ENOX1: variants seen among roughly 807,000 people sequenced by gnomAD.
The protein encoded by ENOX1 is candidate growth-related and time keeping constitutive hydroquinone (NADH) oxidase.
In ENOX1, 42 loss-of-function variants were observed where a neutral mutation model predicts 82.5. The observed-to-expected ratio is 0.51, with a 90% CI of 0.40 to 0.66. The LOEUF (loss-of-function observed/expected upper bound fraction) is 0.66, where lower values mean the gene tolerates loss of function less well. Among genes scored for constraint, ENOX1 ranks in the 30% least tolerant of loss-of-function variants. The probability of loss-of-function intolerance (pLI) is 0.00; values close to 1 mark genes in which losing one functional copy is unlikely to be tolerated. For synonymous variants in ENOX1, 271 were observed against 282.2 expected, an observed-to-expected ratio of 0.96 and a Z score of 0.40; for missense variants, 608 against 811.6, an observed-to-expected ratio of 0.75 and a Z score of 3.05.
chr13:43,770,840 T>G (rs180738333), intron 1 of ENOX1, among the ~76,000 whole-genome samples: 59 of 152,182 alleles, frequency 3.9e-4, no homozygotes, highest in African/African-American at 1.3e-3. Context: ...ACAACAGCAT[T>G]TTTGTGGGAG....
Position 43,213,524 on chromosome 13 carries a change from C to CTTTTTTTTTT in ENOX1, c.*465_*466insAAAAAAAAAA, listed in dbSNP as rs1261954672. On this transcript the variant is annotated 3_prime_UTR_variant, in exon 17 of 17. Transcript: ENST00000690772. ...CTCACTGTAAAACTTTTTCTTTTTT[C>CTTTTTTTTTT]TTTTTTTCTTTTTCTTTTTCTTTTT... is the stretch of plus-strand genomic sequence containing the variant. The CTTTTTTTTTT allele has an allele frequency of 2.4e-5, 2 of 83,324 alleles. No homozygotes were observed. The highest frequency in any genetic ancestry group is 4.2e-4 in the East Asian group (1 of 2,358). The allele number at this position is 83,324 out of a possible 1,614,324, so 5.2% of individuals were successfully genotyped here. A position where few individuals can be genotyped will look rare whatever the true frequency, so the allele number is the denominator to read the frequency against.
chr13:43,312,183 G>C (rs901701940), intron 11 of ENOX1, among the ~76,000 whole-genome samples: 2 of 152,106 alleles, frequency 1.3e-5, no homozygotes. Context: ...TTGGGGGAAG[G>C]GAGAAGACAT....
chr13:43,776,028 C>T (rs979541944), intron 1 of ENOX1, among the ~76,000 whole-genome samples: 4 of 152,102 alleles, frequency 2.6e-5, no homozygotes, highest in Admixed American at 6.6e-5. Flanking sequence ...CATATACTTC[C>T]GGAGGCAATA....
intron 1 of ENOX1, among the ~76,000 whole-genome samples, chr13:43,752,182 A>C (rs1950360312): frequency 6.6e-6 from 1 of 152,030 alleles, no homozygotes; most frequent in South Asian, 2.1e-4. Flanking sequence ...CATATTTCTT[A>C]TCCGGCAGAA....
chr13:43,759,307 A>ATG (rs538052651), intron 1 of ENOX1, among the ~76,000 whole-genome samples: 80 of 152,182 alleles, frequency 5.3e-4, no homozygotes, highest in African/African-American at 1.7e-3. Flanking sequence ...CATGTTGGCC[A>ATG]TGCTGATCTC....
chr13:43,669,023 C>G (rs931308214), intron 1 of ENOX1, among the ~76,000 whole-genome samples: 1 of 152,134 alleles, frequency 6.6e-6, no homozygotes, highest in African/African-American at 2.4e-5. Context: ...TTCAACTATC[C>G]TACAAGACAA....
intron 5 of ENOX1, among the ~76,000 whole-genome samples, chr13:43,385,731 G>A (rs568651523): frequency 1.3e-5 from 2 of 152,148 alleles, no homozygotes; most frequent in Admixed American, 6.5e-5. Flanking sequence ...AAACACATTC[G>A]TTTATACATT....
chr13:43,642,996 C>T (rs1165154588), intron 2 of ENOX1, among the ~76,000 whole-genome samples: 1 of 152,162 alleles, frequency 6.6e-6, no homozygotes, highest in African/African-American at 2.4e-5. Flanking sequence ...ACAGTCATTT[C>T]ACTGTCTTTC....
rs2153809114 is a variant in ENOX1, at chr13:43,702,310, T to G, written c.-284-34766A>C. Among the ~76,000 whole-genome samples, 3 of 152,280 alleles carry G rather than the reference T, an allele frequency of 2.0e-5. No individual in the cohort carries two copies. The Middle Eastern group carries it at 0.01, about 518-fold the overall frequency. The stretch of plus-strand genomic sequence containing the variant: ...ACTTCTCACAAGTTCCAAAACAAAT[T>G]AAAAGGCAAATGAAGCAGGCAGATA... On this transcript the variant is annotated intron_variant, in intron 1 of 16. Coordinates refer to ENST00000690772, the MANE Select transcript of ENOX1 (RefSeq NM_001347969.2).
chr13:43,334,631 G>A (rs979766873), intron 9 of ENOX1, among the ~76,000 whole-genome samples: 1 of 152,070 alleles, frequency 6.6e-6, no homozygotes, highest in East Asian at 1.9e-4. Flanking sequence ...GCCAAACATT[G>A]GAGGTTATGA....
intron 1 of ENOX1, among the ~76,000 whole-genome samples, chr13:43,753,282 G>A (rs2153831770): frequency 6.6e-6 from 1 of 152,206 alleles, no homozygotes; most frequent in East Asian, 1.9e-4. Flanking sequence ...TAACAATATT[G>A]AGACTTTTTA....
intron 6 of ENOX1, among the ~76,000 whole-genome samples, chr13:43,360,496 C>T (rs770210203): frequency 1.1e-4 from 17 of 151,894 alleles, no homozygotes; most frequent in Non-Finnish European, 1.9e-4. Context: ...TACAAAAGCA[C>T]GCACAATACT....
chr13:43,260,070 G>A (rs1482732781), intron 14 of ENOX1, among the ~76,000 whole-genome samples: 1 of 152,168 alleles, frequency 6.6e-6, no homozygotes, highest in African/African-American at 2.4e-5. Context: ...ACTGAGCAGA[G>A]GACTCAGCAC....
chr13:43,662,187 A>G lies in ENOX1; in HGVS notation c.-219+5292T>C, dbSNP rs558294274. ...CCTGTTCATATTACTTCTTTAATCA[A>G]TAACTCTTTTCAGTTTTTCATGTTT... is the stretch of plus-strand genomic sequence containing the variant. On this transcript the variant is annotated intron_variant, in intron 2 of 16. Coordinates refer to ENST00000690772, the MANE Select transcript of ENOX1 (RefSeq NM_001347969.2). Among the ~76,000 whole-genome samples, 6 of 152,290 alleles carry G rather than the reference A, an allele frequency of 3.9e-5. No homozygotes were observed. In the East Asian group the frequency reaches 5.8e-4, roughly 15 times the overall value.
At chr13:43,456,650 G>A (rs748711533) in intron 3 of ENOX1, among the ~76,000 whole-genome samples, 1 of 152,084 alleles carries the variant, frequency 6.6e-6, no homozygotes, top group Non-Finnish European at 1.5e-5. Flanking sequence ...TTCTCTCTGT[G>A]GAGTTTCATC....
At chr13:43,689,497 G>C (rs888445792) in intron 1 of ENOX1, among the ~76,000 whole-genome samples, 1 of 152,144 alleles carries the variant, frequency 6.6e-6, no homozygotes, top group African/African-American at 2.4e-5. Flanking sequence ...GACATTATTT[G>C]GTGCCTCTGA....
intron 11 of ENOX1, among the ~76,000 whole-genome samples, chr13:43,320,276 T>C (rs1357672246): frequency 6.6e-6 from 1 of 152,272 alleles, no homozygotes; most frequent in Non-Finnish European, 1.5e-5. Flanking sequence ...GACTTTGAAC[T>C]GCTCGGGGCC....
At chr13:43,475,581 C>T (rs1042360401) in intron 3 of ENOX1, among the ~76,000 whole-genome samples, 15 of 151,978 alleles carry the variant, frequency 9.9e-5, no homozygotes, top group East Asian at 5.8e-4. Context: ...TTTTCATAAA[C>T]GAAATCATAT....
chr13:43,550,358 G>A (rs887001366), intron 2 of ENOX1, among the ~76,000 whole-genome samples: 1 of 152,184 alleles, frequency 6.6e-6, no homozygotes, highest in Non-Finnish European at 1.5e-5. Flanking sequence ...CCCACAATAT[G>A]CTATTGCTCA....
Sources: gnomAD v4.1 joint callset for allele counts (sites outside exome capture counted in the v4.1 genomes callset) on GRCh38, gnomAD v4.1.1 for gene constraint, MANE v1.5 for transcripts, NCBI Gene and HGNC (gene_info 2026-07-23, HGNC 2026-07-21) for gene names.